Variants in CACHD1 observed in about 807,000 individuals in gnomAD.
The protein encoded by CACHD1 is VWFA and cache domain-containing protein 1.
A neutral mutation model predicts 138.7 loss-of-function variants in CACHD1; 71 were observed. The observed-to-expected ratio is 0.51, with a 90% CI of 0.42 to 0.62. CACHD1 has a LOEUF of 0.62. Among genes scored for constraint, CACHD1 ranks in the 20% least tolerant of loss-of-function variants. The pLI is 0.00. For synonymous variants in CACHD1, 578 were observed against 591.5 expected, an observed-to-expected ratio of 0.98 and a Z score of 0.33; for missense variants, 1,389 against 1,625.3, an observed-to-expected ratio of 0.85 and a Z score of 2.50.
At chr1:64,683,544 C>G (rs1213461976) in intron 26 of CACHD1, among the ~76,000 whole-genome samples, 1 of 152,170 alleles carries the variant, frequency 6.6e-6, no homozygotes, top group Admixed American at 6.5e-5. Flanking sequence ...TTATGACGTT[C>G]CATTAGCCTC....
chr1:64,510,307 C>T (rs1370646534), intron 1 of CACHD1, among the ~76,000 whole-genome samples: 1 of 152,174 alleles, frequency 6.6e-6, no homozygotes, highest in Non-Finnish European at 1.5e-5. Flanking sequence ...CCTTTCAGCT[C>T]TAGGAGCCAA....
At chr1:64,669,151 T>C (rs1198469547) in intron 16 of CACHD1, among the ~76,000 whole-genome samples, 1 of 152,196 alleles carries the variant, frequency 6.6e-6, no homozygotes, top group East Asian at 1.9e-4. Context: ...CAATAAATGT[T>C]AAGCACTTTT....
At chr1:64,553,329 C>T (rs948662008) in intron 2 of CACHD1, among the ~76,000 whole-genome samples, 2 of 152,138 alleles carry the variant, frequency 1.3e-5, no homozygotes, top group African/African-American at 4.8e-5. Flanking sequence ...TAAATAACTG[C>T]TTAGACATTC....
chr1:64,542,988 AACACACACAC>A lies in CACHD1; in HGVS notation c.199-7591_199-7582del, dbSNP rs111903627. Among the ~76,000 whole-genome samples the A allele has an allele frequency of 2.0e-5, 3 of 147,902 alleles. No homozygotes were observed. In the South Asian group the frequency reaches 6.4e-4, roughly 32 times the overall value. Reference sequence around the variant, plus strand: ...TACATAGTACATCCACACACACATCAACACACACACACACACACACACACGCATAATTAGA... The same window carrying A: ...TACATAGTACATCCACACACACATCAACACACACACACACGCATAATTAGA... On this transcript the variant is annotated intron_variant, in intron 1 of 26. Coordinates refer to ENST00000651257, the MANE Select transcript of CACHD1 (RefSeq NM_020925.4).
At chr1:64,477,584 G>GATTATTATTATT (rs10701038) in intron 1 of CACHD1, among the ~76,000 whole-genome samples, 2 of 136,158 alleles carry the variant, frequency 1.5e-5, no homozygotes, top group African/African-American at 2.8e-5. Context: ...CTTCCCCCCA[G>GATTATTATTATT]ATTATTATTA....
At chr1:64,548,466 G>A (rs1231751637) in intron 1 of CACHD1, among the ~76,000 whole-genome samples, 2 of 152,114 alleles carry the variant, frequency 1.3e-5, no homozygotes, top group Non-Finnish European at 2.9e-5. Context: ...ATATTCTGGG[G>A]GGCATGGGTG....
intron 1 of CACHD1, among the ~76,000 whole-genome samples, chr1:64,533,750 T>TCTC (rs35235530): frequency 0.15 from 4,301 of 28,136 alleles, 16 homozygotes; most frequent in Non-Finnish European, 0.32. Context: ...TTCTCTCTCT[T>TCTC]TTTTTTTTTT....
intron 2 of CACHD1, among the ~76,000 whole-genome samples, chr1:64,576,635 G>A (rs1186571067): frequency 6.6e-6 from 1 of 152,210 alleles, no homozygotes. Flanking sequence ...CAGTAGTCAA[G>A]AGACTTGTAT....
chr1:64,622,213 A>G (rs1647937061), intron 4 of CACHD1, among the ~76,000 whole-genome samples: 1 of 152,128 alleles, frequency 6.6e-6, no homozygotes, highest in African/African-American at 2.4e-5. Context: ...CAACTATACC[A>G]TTTCTCAGTT....
intron 1 of CACHD1, among the ~76,000 whole-genome samples, chr1:64,521,377 G>A (rs1646497109): frequency 6.6e-6 from 1 of 152,144 alleles, no homozygotes; most frequent in South Asian, 2.1e-4. Flanking sequence ...CTTTTAAAAG[G>A]TTCATGTAAT....
chr1:64,566,504 G>T lies in CACHD1; in HGVS notation c.262-15652G>T, dbSNP rs979615966. 2.7e-4 allele frequency among the ~76,000 whole-genome samples: 39 copies of T among 144,354 alleles called. 1 individual carries two copies. The highest frequency in any genetic ancestry group is 9.4e-4 in the African/African-American group (38 of 40,616). 94.7% of individuals were successfully genotyped at this position (144,354 alleles called of 152,430 possible). On this transcript the variant is annotated intron_variant, in intron 2 of 26. Coordinates refer to ENST00000651257, the MANE Select transcript of CACHD1 (RefSeq NM_020925.4). ...TCCCCCCCCCCCACAAGGTATGGGG[G>T]AAGTACTGCCTGTCTTACCACAGAA...
intron 1 of CACHD1, among the ~76,000 whole-genome samples, chr1:64,502,723 A>G (rs910474495): frequency 6.6e-6 from 1 of 152,184 alleles, no homozygotes; most frequent in Non-Finnish European, 1.5e-5. Context: ...TAGGTGAAGT[A>G]GGTGAGGAGA....
chr1:64,485,947 T>C (rs1646239380), intron 1 of CACHD1, among the ~76,000 whole-genome samples: 1 of 152,208 alleles, frequency 6.6e-6, no homozygotes, highest in South Asian at 2.1e-4. Context: ...CAGTCTATTT[T>C]CCAAAGGGGC....
Position 64,647,986 on chromosome 1 carries a change from A to G in CACHD1, c.1342A>G (p.Ile448Val). The G allele has an allele frequency of 2.5e-6, 4 of 1,614,040 alleles. No individual in the cohort carries two copies. The highest frequency in any genetic ancestry group is 2.5e-6 in the Non-Finnish European group (3 of 1,180,010). Residue 448 changes from isoleucine (I) to valine (V), a missense_variant, in exon 9 of 27, where the codon ATT (isoleucine) becomes GTT (valine). Physicochemically the swap from Ile to Val is conservative, Grantham distance 29. This residue lies in a region of CACHD1 where 1,000 missense variants were observed against 1,114.7 expected (regional missense o/e 0.90). Transcript: ENST00000651257. ...CTACACAAACCTTCCCAACCGGATG[A>G]TTGATGAAGCCGTCTTCAGCCTGCC... ...RFYTNLPNRMIDEAVFSLPFS... is the reference protein window; with the variant it reads ...RFYTNLPNRMVDEAVFSLPFS...
chr1:64,652,070 G>C (rs1469523356), intron 9 of CACHD1, 91 bp from the exon 10 acceptor site: 1 of 1,151,998 alleles, frequency 8.7e-7, no homozygotes, highest in Non-Finnish European at 1.2e-6. Flanking sequence ...ACAGCTGATA[G>C]AAGCCTTCAT....
At chr1:64,658,584 T>G in intron 12 of CACHD1, 121 bp from the exon 13 acceptor site, 3 of 643,114 alleles carry the variant, frequency 4.7e-6, no homozygotes, top group Non-Finnish European at 7.7e-6. Flanking sequence ...CATCCCATAT[T>G]TAATGAATAC....
intron 12 of CACHD1, among the ~76,000 whole-genome samples, chr1:64,655,466 TC>T (rs1361137002): frequency 1.3e-5 from 2 of 152,140 alleles, no homozygotes; most frequent in Non-Finnish European, 2.9e-5. Context: ...TCAGTTCAAC[TC>T]AGATTGTGGA....
chr1:64,655,789 G>T (rs1004518556), intron 12 of CACHD1, among the ~76,000 whole-genome samples: 1 of 152,164 alleles, frequency 6.6e-6, no homozygotes, highest in Non-Finnish European at 1.5e-5. Context: ...CTGACCAAAA[G>T]GGGAGTAGAG....
intron 4 of CACHD1, among the ~76,000 whole-genome samples, chr1:64,628,960 G>A (rs150869440): frequency 6.6e-6 from 1 of 152,202 alleles, no homozygotes; most frequent in East Asian, 1.9e-4. Flanking sequence ...CTGGTGATGA[G>A]GCCTATTAAC....
Sources: gnomAD v4.1 joint callset for allele counts (sites outside exome capture counted in the v4.1 genomes callset) on GRCh38, gnomAD v4.1.1 for gene constraint, gnomAD v4.1.1 regional missense constraint, MANE v1.5 for transcripts, NCBI Gene and HGNC (gene_info 2026-07-23, HGNC 2026-07-21) for gene names.